CCDC181: variants seen among roughly 807,000 people sequenced by gnomAD.
CCDC181 encodes the protein coiled-coil domain-containing protein 181.
Under a neutral mutation model 58.7 loss-of-function variants are expected in CCDC181, and 35 were observed. The ratio of observed to expected loss-of-function variants is 0.60; its 90% CI spans 0.46 to 0.79. The LOEUF (loss-of-function observed/expected upper bound fraction) is 0.79. Among genes scored for constraint, CCDC181 ranks in the 30% least tolerant of loss-of-function variants. CCDC181 has a pLI of 0.00. For missense variants in CCDC181, 517 were observed against 583.9 expected (o/e 0.89, Z 1.18); for synonymous variants, 183 against 197.5 (o/e 0.93, Z 0.62).
chr1:169,428,324 AG>A (rs1254042872), upstream of CCDC181, among the ~76,000 whole-genome samples: 3 of 152,190 alleles, frequency 2.0e-5, no homozygotes, highest in Admixed American at 1.3e-4. Context: ...CTCCCAAAAA[AG>A]GTTATTCACT....
intron 4 of CCDC181, among the ~76,000 whole-genome samples, chr1:169,416,105 G>A (rs1292269637): frequency 6.6e-6 from 1 of 152,232 alleles, no homozygotes; most frequent in South Asian, 2.1e-4. Context: ...TGGGACGCTA[G>A]GCCCCAGTGG....
chr1:169,396,740 G>C (rs1266145622), intron 5 of CCDC181, among the ~76,000 whole-genome samples: 1 of 152,052 alleles, frequency 6.6e-6, no homozygotes, highest in Non-Finnish European at 1.5e-5. Flanking sequence ...AAAAATATCA[G>C]GTTTGCCTTA....
intron 4 of CCDC181, among the ~76,000 whole-genome samples, chr1:169,399,584 TA>T (rs1655229301): frequency 1.3e-5 from 2 of 151,850 alleles, no homozygotes; most frequent in Admixed American, 1.3e-4. Context: ...TAGAGGAAAA[TA>T]AAAAATTCTA....
At chr1:169,451,173 A>G (rs1657525668) in intron 2 of CCDC181, 1 of 151,932 alleles carries the variant, frequency 6.6e-6, no homozygotes, top group South Asian at 2.1e-4. Context: ...TTTTTTCTTT[A>G]TGGCCCTAGG....
chr1:169,428,722 C>G (rs12161242), upstream of CCDC181, among the ~76,000 whole-genome samples: 1 of 152,156 alleles, frequency 6.6e-6, no homozygotes, highest in East Asian at 1.9e-4. Context: ...GTGGCACGAT[C>G]TGGGCTCACT....
chr1:169,400,528 A>T (rs1655277090), intron 4 of CCDC181, among the ~76,000 whole-genome samples: 2 of 152,212 alleles, frequency 1.3e-5, no homozygotes, highest in African/African-American at 4.8e-5. Context: ...GATCGATCCT[A>T]AGATGACATA....
chr1:169,401,120 G>T (rs1655318405), intron 4 of CCDC181, among the ~76,000 whole-genome samples: 1 of 152,182 alleles, frequency 6.6e-6, no homozygotes, highest in Non-Finnish European at 1.5e-5. Flanking sequence ...TGCCATTGCT[G>T]AGGCTTAAGT....
chr1:169,452,928 G>A (rs1352714153), intron 2 of CCDC181, among the ~76,000 whole-genome samples: 2 of 151,810 alleles, frequency 1.3e-5, no homozygotes, highest in African/African-American at 4.8e-5. Flanking sequence ...CAAGTCTAAA[G>A]CACTATGAAA....
chr1:169,403,709 G>A (rs1266007923), intron 4 of CCDC181, among the ~76,000 whole-genome samples: 2 of 152,160 alleles, frequency 1.3e-5, no homozygotes, highest in Non-Finnish European at 2.9e-5. Context: ...GAGAAAGCAG[G>A]AAAGATCTAA....
upstream of CCDC181, among the ~76,000 whole-genome samples, chr1:169,429,663 C>T (rs940989011): frequency 6.6e-6 from 1 of 151,906 alleles, no homozygotes; most frequent in African/African-American, 2.4e-5. Flanking sequence ...TCGTTTTTTC[C>T]TTGCTGATTT....
At position 169,424,844 on chromosome 1, in the gene CCDC181, A is replaced by G; in HGVS notation, c.84T>C (p.Asn28=). ...TGCTGGCATCACTTTTTTCATTTTC[A>G]TTAATTAACCACTCCAGGTCCTTTT... The part of the protein sequence containing the change: ...DFEKDLEWLI[N]ENEKSDASII... The change falls in exon 2 of 6, where the codon AAT becomes AAC. Residue 28 remains asparagine, a synonymous_variant. Coordinates refer to ENST00000367806, the MANE Select transcript of CCDC181 (RefSeq NM_001300969.2). The G allele has an allele frequency of 6.2e-7, 1 of 1,602,982 alleles. No homozygotes were observed. The highest frequency in any genetic ancestry group is 8.5e-7 in the Non-Finnish European group (1 of 1,172,368).
At chr1:169,459,258 A>G (rs1657767251) in intron 2 of CCDC181, among the ~76,000 whole-genome samples, 1 of 152,200 alleles carries the variant, frequency 6.6e-6, no homozygotes, top group South Asian at 2.1e-4. Flanking sequence ...AGTTATTCAA[A>G]ATTAAGGTGT....
chr1:169,444,153 C>T (rs1232543523), intron 2 of CCDC181, among the ~76,000 whole-genome samples: 4 of 152,134 alleles, frequency 2.6e-5, no homozygotes, highest in African/African-American at 4.8e-5. Context: ...AGGCAGTAAA[C>T]GGATCCAGCA....
Position 169,422,411 on chromosome 1 carries a change from A to G in CCDC181, c.118-98T>C, listed in dbSNP as rs1571494636. 4.6e-6 allele frequency: 4 copies of G among 862,604 alleles called. No homozygotes were observed. The South Asian group carries it at 7.5e-5, about 16-fold the overall frequency. 53.4% of individuals were successfully genotyped at this position (862,604 alleles called of 1,614,324 possible). On this transcript the variant is annotated intron_variant, in intron 2 of 5. Coordinates refer to ENST00000367806, the MANE Select transcript of CCDC181 (RefSeq NM_001300969.2). ...CCTGTTCATGTAATTTATTTTATGAATGGGAAAATTTAAGTGTTTATTGCT... is the reference window on the plus strand; with the variant it reads ...CCTGTTCATGTAATTTATTTTATGAGTGGGAAAATTTAAGTGTTTATTGCT...
At position 169,458,278 on chromosome 1, in the gene CCDC181, G is replaced by A. The variant is rs192646970; in HGVS notation, c.-24+1519C>T. On this transcript the variant is annotated intron_variant, in intron 2 of 6. Transcript: ENST00000545005. ...AATATAAATAGGAGGTGAATTGCTCGGTCATAGGAAATGCATATATTTGAC... is the reference window on the plus strand; with the variant it reads ...AATATAAATAGGAGGTGAATTGCTCAGTCATAGGAAATGCATATATTTGAC... 6.0e-5 allele frequency among the ~76,000 whole-genome samples: 9 copies of A among 150,520 alleles called. No homozygotes were observed. The East Asian group carries it at 1.6e-3, about 26-fold the overall frequency.
At chr1:169,447,014 T>C (rs576691660) in intron 2 of CCDC181, among the ~76,000 whole-genome samples, 1 of 152,198 alleles carries the variant, frequency 6.6e-6, no homozygotes, top group Non-Finnish European at 1.5e-5. Flanking sequence ...CTCCAAATAT[T>C]TGGAGACTTT....
chr1:169,416,101 G>T (rs928189091), intron 4 of CCDC181, among the ~76,000 whole-genome samples: 2 of 152,190 alleles, frequency 1.3e-5, no homozygotes, highest in African/African-American at 4.8e-5. Flanking sequence ...GGGTTGGGAC[G>T]CTAGGCCCCA....
At chr1:169,449,758 G>A (rs1207150525) in intron 2 of CCDC181, among the ~76,000 whole-genome samples, 1 of 152,184 alleles carries the variant, frequency 6.6e-6, no homozygotes, top group East Asian at 1.9e-4. Flanking sequence ...TCTTCTGCCT[G>A]CTTTTATTCT....
At chr1:169,453,866 T>C (rs1349360130) in intron 2 of CCDC181, among the ~76,000 whole-genome samples, 1 of 151,998 alleles carries the variant, frequency 6.6e-6, no homozygotes, top group Non-Finnish European at 1.5e-5. Context: ...ATTAAGACAC[T>C]TGCATAGCTG....
Sources: allele counts gnomAD v4.1 joint callset (sites outside exome capture counted in the v4.1 genomes callset), GRCh38; gene constraint gnomAD v4.1.1; transcripts MANE v1.5; gene names NCBI Gene and HGNC (gene_info 2026-07-23, HGNC 2026-07-21).